The following CMTM7 variants were observed in gnomAD, a reference collection of about 807,000 sequenced individuals.
CMTM7 encodes the protein CKLF like MARVEL transmembrane domain containing 7, also known as CKLF-like MARVEL transmembrane domain-containing protein 7.
In CMTM7, 7 loss-of-function variants were observed where a neutral mutation model predicts 19.3. That is an observed-to-expected ratio of 0.36 (90% CI 0.21 to 0.68). CMTM7 has a LOEUF of 0.68. CMTM7 is among the 30% of genes least tolerant of loss of function. The pLI, the probability that CMTM7 is intolerant of heterozygous loss-of-function variation, is 0.60. For missense variants in CMTM7, 193 were observed against 232.6 expected (o/e 0.83, Z 1.11); for synonymous variants, 87 against 99.3 (o/e 0.88, Z 0.74).
chr3:32,401,928 G>T (rs539415570), intron 1 of CMTM7, among the ~76,000 whole-genome samples: 68 of 152,302 alleles, frequency 4.5e-4, no homozygotes, highest in Non-Finnish European at 8.4e-4. Flanking sequence ...CGGAAATCGC[G>T]AGCAGAGCCC....
At chr3:32,453,035 T>A (rs1373379489) in intron 4 of CMTM7, among the ~76,000 whole-genome samples, 1 of 145,140 alleles carries the variant, frequency 6.9e-6, no homozygotes, top group Non-Finnish European at 1.5e-5. Context: ...CCTCTGAAAG[T>A]GCTGGGATTA....
At chr3:32,426,087 G>A (rs570039897) in intron 1 of CMTM7, among the ~76,000 whole-genome samples, 30 of 152,342 alleles carry the variant, frequency 2.0e-4, no homozygotes, top group African/African-American at 6.7e-4. Flanking sequence ...AGAGTTTGCG[G>A]TGAGCCAAGA....
At chr3:32,397,046 T>C (rs2125617386) in intron 1 of CMTM7, among the ~76,000 whole-genome samples, 1 of 152,298 alleles carries the variant, frequency 6.6e-6, no homozygotes, top group East Asian at 1.9e-4. Context: ...AAGAGGGGTC[T>C]TGTCCCAGAC....
intron 1 of CMTM7, among the ~76,000 whole-genome samples, chr3:32,434,619 TTTTAAG>T (rs1696569983): frequency 1.3e-5 from 2 of 148,694 alleles, no homozygotes; most frequent in Admixed American, 6.7e-5. Flanking sequence ...TTTTTTTTTT[TTTTAAG>T]TAATTTTGAG....
chr3:32,419,456 G>T (rs1229550690), intron 1 of CMTM7, among the ~76,000 whole-genome samples: 1 of 152,172 alleles, frequency 6.6e-6, no homozygotes, highest in Admixed American at 6.5e-5. Flanking sequence ...CTGTGTTGGG[G>T]GAAAGCATGC....
rs564236104 is a variant in CMTM7 at position 32,439,146 on chromosome 3, A to G, written c.160-2694A>G. ...CCTGAGTAAGGCAGAGGTGTGAATC[A>G]TTATATCACCATGGCTGGCTAGCTT... On this transcript the variant is annotated intron_variant, in intron 1 of 4. Coordinates refer to ENST00000334983, the MANE Select transcript of CMTM7 (RefSeq NM_138410.4). Among the ~76,000 whole-genome samples the G allele has an allele frequency of 1.1e-3, 160 of 152,336 alleles. 1 individual carries two copies. Among genetic ancestry groups the G allele is most frequent in the Middle Eastern group, 6.8e-3 (2 of 294 alleles).
At chr3:32,447,805 C>T (rs1696773802) in intron 2 of CMTM7, among the ~76,000 whole-genome samples, 1 of 152,096 alleles carries the variant, frequency 6.6e-6, no homozygotes, top group South Asian at 2.1e-4. Context: ...TATAAAGTCT[C>T]TCTCCCATAG....
At chr3:32,446,474 A>T (rs545659925) in intron 2 of CMTM7, among the ~76,000 whole-genome samples, 1 of 151,708 alleles carries the variant, frequency 6.6e-6, no homozygotes, top group South Asian at 2.1e-4. Context: ...TTGTTTTCCT[A>T]TTATCTTAAT....
intron 1 of CMTM7, among the ~76,000 whole-genome samples, chr3:32,392,579 GGGT>G (rs1695855766): frequency 6.6e-6 from 1 of 152,238 alleles, no homozygotes; most frequent in Non-Finnish European, 1.5e-5. Flanking sequence ...GGAGGTCAGA[GGGT>G]CTTGTGTTCC....
At chr3:32,402,050 C>T (rs892830861) in intron 1 of CMTM7, among the ~76,000 whole-genome samples, 7 of 152,224 alleles carry the variant, frequency 4.6e-5, no homozygotes, top group African/African-American at 1.2e-4. Flanking sequence ...CTCTGCTGAG[C>T]CCGCTCTCTT....
intron 1 of CMTM7, among the ~76,000 whole-genome samples, chr3:32,421,159 T>C (rs1331091091): frequency 6.6e-6 from 1 of 152,130 alleles, no homozygotes; most frequent in Non-Finnish European, 1.5e-5. Context: ...TCCTACAAAC[T>C]GACTTCTGTG....
intron 1 of CMTM7, among the ~76,000 whole-genome samples, chr3:32,435,460 G>A (rs1370703241): frequency 1.3e-5 from 2 of 152,218 alleles, no homozygotes; most frequent in Non-Finnish European, 2.9e-5. Context: ...CTAATTCTTT[G>A]CAGCGCTGTT....
chr3:32,439,650 T>G (rs1696647150), intron 1 of CMTM7, among the ~76,000 whole-genome samples: 2 of 152,164 alleles, frequency 1.3e-5, no homozygotes, highest in Admixed American at 6.5e-5. Context: ...GACAGGGTCT[T>G]GCTTGTTGCC....
intron 1 of CMTM7, among the ~76,000 whole-genome samples, chr3:32,434,520 G>A (rs1290632661): frequency 1.3e-5 from 2 of 151,580 alleles, no homozygotes; most frequent in African/African-American, 4.8e-5. Context: ...GCCCAGGCTG[G>A]TCTCGAACCC....
chr3:32,400,208 C>T (rs1000562715), intron 1 of CMTM7, among the ~76,000 whole-genome samples: 1 of 151,612 alleles, frequency 6.6e-6, no homozygotes, highest in East Asian at 1.9e-4. Context: ...TTAGTAGAGA[C>T]GGGGTTTCTC....
chr3:32,394,682 A>T (rs776517074), intron 1 of CMTM7, among the ~76,000 whole-genome samples: 1 of 151,984 alleles, frequency 6.6e-6, no homozygotes, highest in Non-Finnish European at 1.5e-5. Context: ...TTGACTTTTG[A>T]CTTTAAAGCA....
At chr3:32,417,282 A>G (rs1696281646) in intron 1 of CMTM7, among the ~76,000 whole-genome samples, 1 of 152,168 alleles carries the variant, frequency 6.6e-6, no homozygotes, top group Non-Finnish European at 1.5e-5. Flanking sequence ...TTCCATCCCT[A>G]TAGTTTTACT....
At chr3:32,431,937 G>A (rs1018385820) in intron 1 of CMTM7, among the ~76,000 whole-genome samples, 18 of 152,328 alleles carry the variant, frequency 1.2e-4, no homozygotes, top group African/African-American at 3.4e-4. Flanking sequence ...TTCAAGACCA[G>A]CCCGGTCAAC....
At chr3:32,404,016 AT>A (rs956031402) in intron 1 of CMTM7, among the ~76,000 whole-genome samples, 2 of 152,040 alleles carry the variant, frequency 1.3e-5, no homozygotes, top group Admixed American at 6.5e-5. Flanking sequence ...TATTATCTTC[AT>A]TTTTATTTCT....
Sources: gnomAD v4.1 joint callset for allele counts (sites outside exome capture counted in the v4.1 genomes callset) on GRCh38, gnomAD v4.1.1 for gene constraint, MANE v1.5 for transcripts, NCBI Gene and HGNC (gene_info 2026-07-23, HGNC 2026-07-21) for gene names.